Variants in STXBP5L observed in about 807,000 individuals in gnomAD.
The protein encoded by STXBP5L is syntaxin-binding protein 5-like.
STXBP5L carries 65 observed loss-of-function variants against 144.5 expected under a neutral mutation model. The ratio of observed to expected loss-of-function variants is 0.45; its 90% CI spans 0.37 to 0.55. STXBP5L has a LOEUF of 0.55. Among genes scored for constraint, STXBP5L ranks in the 20% least tolerant of loss-of-function variants. The pLI is 0.00. For synonymous variants in STXBP5L, 505 were observed against 469.6 expected, an observed-to-expected ratio of 1.08 and a Z score of -0.97; for missense variants, 1,298 against 1,405.5, an observed-to-expected ratio of 0.92 and a Z score of 1.22.
At chr3:121,163,102 C>A (rs182571563) in intron 9 of STXBP5L, among the ~76,000 whole-genome samples, 57 of 152,292 alleles carry the variant, frequency 3.7e-4, no homozygotes, top group Admixed American at 3.7e-3. Context: ...AATCATTCTA[C>A]TATAAAGACA....
chr3:120,968,337 C>G (rs935764225), intron 3 of STXBP5L, among the ~76,000 whole-genome samples: 1 of 152,104 alleles, frequency 6.6e-6, no homozygotes, highest in South Asian at 2.1e-4. Context: ...GTATTGACCC[C>G]TTCATCATCA....
At chr3:121,080,561 A>C (rs746705880) in intron 5 of STXBP5L, among the ~76,000 whole-genome samples, 21 of 152,268 alleles carry the variant, frequency 1.4e-4, no homozygotes, top group Non-Finnish European at 2.5e-4. Flanking sequence ...AAAAGACTTT[A>C]TCTCTCCTTC....
At chr3:121,150,446 C>A (rs568326382) in intron 7 of STXBP5L, among the ~76,000 whole-genome samples, 1 of 151,998 alleles carries the variant, frequency 6.6e-6, no homozygotes, top group Non-Finnish European at 1.5e-5. Context: ...GGATTCTTTT[C>A]TCTTTTCTAA....
At chr3:121,048,694 T>TA (rs925598514) in intron 5 of STXBP5L, among the ~76,000 whole-genome samples, 2 of 151,824 alleles carry the variant, frequency 1.3e-5, no homozygotes, top group Non-Finnish European at 2.9e-5. Flanking sequence ...GAGTCTTTTT[T>TA]TTTTTTTTTA....
chr3:121,411,508 G>T (rs933638796), intron 23 of STXBP5L, among the ~76,000 whole-genome samples: 64 of 152,006 alleles, frequency 4.2e-4, no homozygotes, highest in African/African-American at 1.4e-3. Context: ...TTCTTCAGTG[G>T]TTTGTAAAAC....
intron 19 of STXBP5L, among the ~76,000 whole-genome samples, chr3:121,315,148 G>T (rs2043736990): frequency 6.6e-6 from 1 of 152,038 alleles, no homozygotes; most frequent in Admixed American, 6.6e-5. Context: ...TATACCCAAA[G>T]GATTATAAAT....
intron 5 of STXBP5L, among the ~76,000 whole-genome samples, chr3:121,055,612 G>A (rs1036763816): frequency 1.2e-4 from 18 of 152,022 alleles, no homozygotes; most frequent in African/African-American, 4.3e-4. Context: ...CTGGGCTCAA[G>A]CAATCCTCCC....
At chr3:121,229,962 C>T (rs1487724628) in intron 11 of STXBP5L, among the ~76,000 whole-genome samples, 1 of 152,062 alleles carries the variant, frequency 6.6e-6, no homozygotes, top group Non-Finnish European at 1.5e-5. Context: ...TTTAAGAAGC[C>T]AAGGACAACC....
intron 3 of STXBP5L, among the ~76,000 whole-genome samples, chr3:120,970,420 G>A (rs1270119982): frequency 6.6e-6 from 1 of 152,090 alleles, no homozygotes; most frequent in Non-Finnish European, 1.5e-5. Flanking sequence ...ATCTTTGAAT[G>A]TGTTTAAATG....
At chr3:121,186,475 C>A (rs557957348) in intron 9 of STXBP5L, among the ~76,000 whole-genome samples, 1 of 152,108 alleles carries the variant, frequency 6.6e-6, no homozygotes, top group Non-Finnish European at 1.5e-5. Flanking sequence ...CCCATCAATA[C>A]CTAATTTATT....
intron 1 of STXBP5L, among the ~76,000 whole-genome samples, chr3:120,908,604 C>T (rs1202581370): frequency 6.6e-6 from 1 of 151,472 alleles, no homozygotes; most frequent in Non-Finnish European, 1.5e-5. Context: ...GGCGAGAGCC[C>T]CGCGCCTCAG....
chr3:120,972,824 A>G (rs1017962903), intron 3 of STXBP5L, among the ~76,000 whole-genome samples: 4 of 152,118 alleles, frequency 2.6e-5, no homozygotes, highest in Non-Finnish European at 5.9e-5. Flanking sequence ...TATTGAGATT[A>G]TCAGGTAGTT....
At chr3:121,068,343 A>G (rs2041646246) in intron 5 of STXBP5L, among the ~76,000 whole-genome samples, 1 of 152,228 alleles carries the variant, frequency 6.6e-6, no homozygotes, top group Admixed American at 6.5e-5. Context: ...CTAACATTTA[A>G]TATAATTTAT....
intron 18 of STXBP5L, among the ~76,000 whole-genome samples, chr3:121,264,709 G>A (rs1171526869): frequency 1.3e-5 from 2 of 151,668 alleles, no homozygotes; most frequent in Non-Finnish European, 1.5e-5. Flanking sequence ...AAGACCCATT[G>A]GTGTGCTATA....
At chr3:121,320,154 G>A (rs2043921816) in intron 20 of STXBP5L, among the ~76,000 whole-genome samples, 1 of 152,002 alleles carries the variant, frequency 6.6e-6, no homozygotes, top group South Asian at 2.1e-4. Flanking sequence ...TTTTCGTTTA[G>A]TATCTCTCTG....
At chr3:121,231,890 A>G (rs1179597201) in intron 11 of STXBP5L, among the ~76,000 whole-genome samples, 2 of 152,198 alleles carry the variant, frequency 1.3e-5, no homozygotes, top group East Asian at 1.9e-4. Context: ...AGCCAATCAA[A>G]CAAGACAAAC....
At chr3:121,304,302 T>C (rs1488694370) in intron 19 of STXBP5L, among the ~76,000 whole-genome samples, 1 of 152,182 alleles carries the variant, frequency 6.6e-6, no homozygotes, top group Non-Finnish European at 1.5e-5. Flanking sequence ...TCATCATTTC[T>C]CTTTTGTAAC....
intron 9 of STXBP5L, among the ~76,000 whole-genome samples, chr3:121,199,140 G>A (rs1452636728): frequency 6.6e-6 from 1 of 152,034 alleles, no homozygotes; most frequent in Non-Finnish European, 1.5e-5. Context: ...CCGTTTGTTT[G>A]TGTGCTCTCT....
chr3:120,958,576 C>A (rs78213297), intron 3 of STXBP5L, among the ~76,000 whole-genome samples: 2 of 151,716 alleles, frequency 1.3e-5, no homozygotes, highest in African/African-American at 4.8e-5. Context: ...GGGCTTCATC[C>A]CTGGGATGCA....
Sources: allele counts gnomAD v4.1 joint callset (sites outside exome capture counted in the v4.1 genomes callset), GRCh38; gene constraint gnomAD v4.1.1; transcripts MANE v1.5; gene names NCBI Gene and HGNC (gene_info 2026-07-23, HGNC 2026-07-21).